The following PTPRE variants were observed in gnomAD, a reference collection of about 807,000 sequenced individuals.
The protein encoded by PTPRE is receptor-type tyrosine-protein phosphatase epsilon.
Under a neutral mutation model 102.0 loss-of-function variants are expected in PTPRE, and 51 were observed. The observed-to-expected ratio is 0.50, with a 90% CI of 0.40 to 0.63. PTPRE has a LOEUF of 0.63. Among genes scored for constraint, PTPRE ranks in the 30% least tolerant of loss-of-function variants. PTPRE has a pLI of 0.00. For missense variants in PTPRE, 752 were observed against 915.1 expected, an observed-to-expected ratio of 0.82 and a Z score of 2.30; for synonymous variants, 345 against 348.2, an observed-to-expected ratio of 0.99 and a Z score of 0.10.
chr10:128,057,089 C>T (rs922144503), intron 7 of PTPRE, among the ~76,000 whole-genome samples: 18 of 151,934 alleles, frequency 1.2e-4, no homozygotes, highest in African/African-American at 4.1e-4. Context: ...TGGTGGTGGA[C>T]GCCTGTAATT....
intron 2 of PTPRE, among the ~76,000 whole-genome samples, chr10:128,000,690 A>T (rs1381000928): frequency 6.6e-6 from 1 of 152,204 alleles, no homozygotes; most frequent in Non-Finnish European, 1.5e-5. Context: ...TAAATATTAG[A>T]TTTCATTCTA....
chr10:128,068,488 C>G (rs1447718913), intron 12 of PTPRE: 2 of 488,350 alleles, frequency 4.1e-6, no homozygotes, highest in Non-Finnish European at 6.7e-6. Context: ...TCATCCCAGT[C>G]GATAAAACCC....
chr10:127,987,954 T>A (rs751215901), intron 2 of PTPRE, among the ~76,000 whole-genome samples: 12 of 152,244 alleles, frequency 7.9e-5, no homozygotes, highest in Non-Finnish European at 1.6e-4. Context: ...GCCGGCACTC[T>A]GTGTGTAAGG....
chr10:128,068,031 G>A (rs953827815), intron 11 of PTPRE, 92 bp from the exon 12 acceptor site: 22 of 1,442,648 alleles, frequency 1.5e-5, no homozygotes, highest in Non-Finnish European at 1.9e-5. Flanking sequence ...CCCCAGCACA[G>A]GGGAGCCCAC....
At chr10:128,069,372 A>G (rs1355046901) in intron 12 of PTPRE, 6 of 256,552 alleles carry the variant, frequency 2.3e-5, no homozygotes, top group South Asian at 8.7e-5. Flanking sequence ...GGACAGATCT[A>G]GGATGCCAAT....
chr10:127,959,058 C>T (rs762675402), intron 1 of PTPRE, among the ~76,000 whole-genome samples: 11 of 152,028 alleles, frequency 7.2e-5, no homozygotes, highest in East Asian at 1.9e-4. Context: ...CACCACACCC[C>T]GCTAATTTCG....
chr10:127,963,518 T>C (rs1849991154), intron 1 of PTPRE, among the ~76,000 whole-genome samples: 1 of 152,218 alleles, frequency 6.6e-6, no homozygotes, highest in South Asian at 2.1e-4. Flanking sequence ...ATGATTATGC[T>C]TTGTCTTTGA....
intron 18 of PTPRE, 25 bp from the exon 19 acceptor site, chr10:128,077,592 C>T: frequency 6.3e-7 from 1 of 1,585,618 alleles, no homozygotes; most frequent in Non-Finnish European, 8.6e-7. Context: ...GCAGGCGACG[C>T]TGAGACCCCC....
At chr10:127,911,740 T>C (rs75717622) in intron 1 of PTPRE, among the ~76,000 whole-genome samples, 5,161 of 152,280 alleles carry the variant, frequency 0.034, 163 homozygotes, top group Non-Finnish European at 0.044. Flanking sequence ...CACGTGTCTC[T>C]CTGCTCTGGA....
At position 127,907,236 on chromosome 10, in the gene PTPRE, C is replaced by G; in HGVS notation, c.-104C>G. Reference sequence around the variant, plus strand: ...GAAGACAGCCGGGCGCCCCGGAGGGCGGCGGGCAGGCGCCCGGGAGATGCG... The same window carrying G: ...GAAGACAGCCGGGCGCCCCGGAGGGGGGCGGGCAGGCGCCCGGGAGATGCG... On this transcript the variant is annotated 5_prime_UTR_variant, in exon 1 of 21. Transcript: ENST00000254667. This position sits in a 1 kb window ranked among gnomAD's most constrained non-coding sequence, Gnocchi z 4.8. 2 of 983,908 alleles carry G rather than the reference C, an allele frequency of 2.0e-6. No homozygotes were observed. The highest frequency in any genetic ancestry group is 2.4e-6 in the Non-Finnish European group (2 of 829,094). 60.9% of individuals were successfully genotyped at this position (983,908 alleles called of 1,614,324 possible). A position where few individuals can be genotyped will look rare whatever the true frequency, so the allele number is the denominator to read the frequency against.
Position 128,023,926 on chromosome 10 carries a change from G to C in PTPRE, c.-7-16949G>C, listed in dbSNP as rs185134033. Among the ~76,000 whole-genome samples, 517 of 152,312 alleles carry C rather than the reference G, an allele frequency of 3.4e-3. 6 individuals carry two copies. Among genetic ancestry groups the C allele is most frequent in the Admixed American group, 9.7e-3 (148 of 15,298 alleles). On this transcript the variant is annotated intron_variant, in intron 2 of 20. Coordinates refer to ENST00000254667, the MANE Select transcript of PTPRE (RefSeq NM_006504.6). ...AACACAATTATCTTGTCACTGCTTA[G>C]GTGGCAATTTTTAATGAGTAAAGGA...
chr10:127,970,761 A>T (rs1338219572), intron 1 of PTPRE, among the ~76,000 whole-genome samples: 4 of 151,470 alleles, frequency 2.6e-5, no homozygotes, highest in Non-Finnish European at 4.4e-5. Flanking sequence ...GGCTGCGCTC[A>T]CAAAAAAGAT....
intron 1 of PTPRE, among the ~76,000 whole-genome samples, chr10:127,933,923 T>C (rs896622189): frequency 6.6e-6 from 1 of 152,090 alleles, no homozygotes; most frequent in East Asian, 1.9e-4. Context: ...TGAGATTTAA[T>C]GAAGTCATAT....
chr10:128,058,029 G>T (rs1413982028), intron 7 of PTPRE, among the ~76,000 whole-genome samples: 1 of 152,216 alleles, frequency 6.6e-6, no homozygotes, highest in Non-Finnish European at 1.5e-5. Flanking sequence ...AACCATATGT[G>T]TTAAGAAACC....
At chr10:128,049,053 G>C (rs1848334389) in intron 5 of PTPRE, among the ~76,000 whole-genome samples, 1 of 152,228 alleles carries the variant, frequency 6.6e-6, no homozygotes, top group Non-Finnish European at 1.5e-5. Context: ...GGAGCTTATG[G>C]GGTTTGAGGA....
intron 1 of PTPRE, among the ~76,000 whole-genome samples, chr10:127,949,631 C>G (rs1848870470): frequency 6.6e-6 from 1 of 152,168 alleles, no homozygotes; most frequent in Non-Finnish European, 1.5e-5. Context: ...TTGCTCCTAG[C>G]ACGGCTAAAC....
At chr10:128,056,293 C>A in intron 7 of PTPRE, 80 bp downstream of exon 7, 1 of 1,169,092 alleles carries the variant, frequency 8.6e-7, no homozygotes, top group Non-Finnish European at 1.3e-6. Context: ...CCCGTGACTG[C>A]AGGCCATTCC....
chr10:128,078,837 A>G (rs1312448503), intron 19 of PTPRE, among the ~76,000 whole-genome samples: 6 of 152,358 alleles, frequency 3.9e-5, no homozygotes, highest in African/African-American at 1.4e-4. Context: ...GCGGCAGGAC[A>G]GGAGCCTTGG....
Position 127,907,251 on chromosome 10 carries a change from C to G in PTPRE, c.-89C>G, listed in dbSNP as rs912605051. On this transcript the variant is annotated 5_prime_UTR_variant, in exon 1 of 21. Coordinates refer to ENST00000254667, the MANE Select transcript of PTPRE (RefSeq NM_006504.6). This position sits in a 1 kb window ranked among gnomAD's most constrained non-coding sequence, Gnocchi z 4.8. ...CCCCGGAGGGCGGCGGGCAGGCGCC[C>G]GGGAGATGCGGAGCCTCCGCTGCAG... 5.1e-6 allele frequency: 5 copies of G among 984,590 alleles called. No individual in the cohort carries two copies. The highest frequency in any genetic ancestry group is 4.8e-6 in the Non-Finnish European group (4 of 829,668). 61.0% of individuals were successfully genotyped at this position (984,590 alleles called of 1,614,324 possible).
Sources: gnomAD v4.1 joint callset for allele counts (sites outside exome capture counted in the v4.1 genomes callset) on GRCh38, gnomAD v4.1.1 for gene constraint, Gnocchi (gnomAD v3.1) non-coding constraint, MANE v1.5 for transcripts, NCBI Gene and HGNC (gene_info 2026-07-23, HGNC 2026-07-21) for gene names.